Variants in BCAR1 observed in about 807,000 individuals in gnomAD.
BCAR1 encodes breast cancer anti-estrogen resistance protein 1.
In BCAR1, 30 loss-of-function variants were observed where a neutral mutation model predicts 67.6. The ratio of observed to expected loss-of-function variants is 0.44; its 90% CI spans 0.33 to 0.60. The LOEUF is 0.60. Ranked by LOEUF, BCAR1 falls within the 20% of genes least tolerant of loss-of-function variation. BCAR1 has a pLI of 0.02. For synonymous variants in BCAR1, 626 were observed against 556.7 expected (o/e 1.12, Z -1.75); for missense variants, 1,313 against 1,222.3 (o/e 1.07, Z -1.11).
intron 1 of BCAR1, chr16:75,263,690 A>T: frequency 1.0e-6 from 1 of 985,434 alleles, no homozygotes; most frequent in Non-Finnish European, 1.2e-6. Flanking sequence ...CTGTGGGCCA[A>T]AGTGCCTGCT....
In BCAR1 at chr16:75,242,500, G is replaced by T. The variant is rs749807137; in HGVS notation, c.603C>A (p.Arg201=). The part of the protein sequence containing the change: ...IYQVPPSMDT[R]SWEGTKPPAK... ...CCGGGGGCTTCGTGCCCTCCCAGCT[G>T]CGTGTGTCCATGGACGGGGGGACCT... Residue 201 remains arginine (R), a synonymous_variant, in exon 2 of 7, where the codon CGC becomes CGA. Coordinates refer to ENST00000162330, the MANE Select transcript of BCAR1 (RefSeq NM_014567.5). The T allele has an allele frequency of 1.4e-6, 2 of 1,467,082 alleles. No individual in the cohort carries two copies. The highest frequency in any genetic ancestry group is 1.8e-6 in the Non-Finnish European group (2 of 1,110,260). 90.9% of individuals were successfully genotyped at this position (1,467,082 alleles called of 1,614,324 possible).
chr16:75,234,833 A>G, intron 5 of BCAR1, 56 bp downstream of exon 5: 2 of 1,510,318 alleles, frequency 1.3e-6, no homozygotes, highest in Non-Finnish European at 1.8e-6. Flanking sequence ...TCTCCCCCTA[A>G]GCACAGGAGC....
rs767903911 is a variant in BCAR1, at chr16:75,235,371, C to T, written c.1528G>A (p.Ala510Thr). ...LVQDLQAAVA[A>T]VQSAVHELLE... The stretch of plus-strand genomic sequence containing the variant: ...AGCTCGTGGACGGCACTCTGGACAG[C>T]GGCCACAGCAGCCTGCAGGTCCTGC... The change falls in exon 5 of 7, where the codon GCT becomes ACT. Residue 510 changes from alanine (A) to threonine (T), a missense_variant. Ala to Thr is a moderately conservative substitution (Grantham distance 58, BLOSUM62 0). Around this residue, in one of 2 missense-constraint regions of BCAR1, gnomAD observed 1,272 missense variants for 1,137.5 expected, o/e 1.12. Coordinates refer to ENST00000162330, the MANE Select transcript of BCAR1 (RefSeq NM_014567.5). The T allele has an allele frequency of 1.2e-5, 19 of 1,600,904 alleles. No homozygotes were observed. Among genetic ancestry groups the T allele is most frequent in the South Asian group, 6.6e-5 (6 of 90,936 alleles).
At chr16:75,248,912 C>G (rs1481831248) in intron 1 of BCAR1, 2 of 152,438 alleles carry the variant, frequency 1.3e-5, no homozygotes, top group African/African-American at 4.8e-5. Flanking sequence ...ACAGCCTGGC[C>G]TTGGCTGCAG....
chr16:75,234,923 C>G lies in BCAR1; in HGVS notation c.1976G>C (p.Gly659Ala), dbSNP rs1232194704. 1 of 1,553,316 alleles carries G rather than the reference C, an allele frequency of 6.4e-7. No individual in the cohort carries two copies. The highest frequency in any genetic ancestry group is 1.8e-5 in the Admixed American group (1 of 55,342). The change falls in exon 5 of 7, where the codon GGC becomes GCC. Residue 659 changes from glycine to alanine, a missense_variant. Physicochemically the swap from Gly to Ala is moderately conservative, Grantham distance 60. This residue lies in a region of BCAR1 where 1,272 missense variants were observed against 1,137.5 expected (regional missense o/e 1.12). Coordinates refer to ENST00000162330, the MANE Select transcript of BCAR1 (RefSeq NM_014567.5). ...GACGTAGTCATAGTCCTCCATCCAG[C>G]CCCCCTCGCTGTTCTCGTACTGCCC... Reference protein sequence around the residue: ...PDGQYENSEGGWMEDYDYVHL... With the variant: ...PDGQYENSEGAWMEDYDYVHL...
chr16:75,230,709 G>C (rs2076873109), intron 6 of BCAR1, among the ~76,000 whole-genome samples: 1 of 152,200 alleles, frequency 6.6e-6, no homozygotes, highest in African/African-American at 2.4e-5. Context: ...ACTCAGGACT[G>C]GTAAGCTCTG....
chr16:75,234,834 G>A lies in BCAR1; in HGVS notation c.2010+55C>T, dbSNP rs180822358. On this transcript the variant is annotated intron_variant, in intron 5 of 6. Transcript: ENST00000162330. ...CAGCTGAGAACAAATCTCCCCCTAA[G>A]CACAGGAGCCCAGCGTGGCAGAAGA... The A allele has an allele frequency of 4.8e-4, 721 of 1,511,806 alleles. 9 individuals are homozygous for A. The East Asian group carries it at 0.014, about 30-fold the overall frequency. The allele number at this position is 1,511,806 out of a possible 1,614,324, so 93.6% of individuals were successfully genotyped here. A position where few individuals can be genotyped will look rare whatever the true frequency, so the allele number is the denominator to read the frequency against.
At chr16:75,236,417 CTCA>C (rs938627683) in intron 4 of BCAR1, 1 of 338,960 alleles carries the variant, frequency 3.0e-6, no homozygotes, top group Non-Finnish European at 5.4e-6. Context: ...CCGCTGCCAC[CTCA>C]TCACCACCAT....
chr16:75,245,253 A>G (rs1445621646), intron 1 of BCAR1, among the ~76,000 whole-genome samples: 2 of 152,194 alleles, frequency 1.3e-5, no homozygotes, highest in African/African-American at 4.8e-5. Context: ...GTGACCCTAC[A>G]CACCACAGAG....
intron 2 of BCAR1, 185 bp from the exon 3 acceptor site, chr16:75,237,529 G>T: frequency 2.9e-6 from 2 of 681,738 alleles, no homozygotes; most frequent in Non-Finnish European, 4.4e-6. Flanking sequence ...GCAGAACGCA[G>T]TGCCAGGTAC....
chr16:75,256,515 G>C (rs368994436), upstream of BCAR1, among the ~76,000 whole-genome samples: 5 of 80,686 alleles, frequency 6.2e-5, no homozygotes, highest in South Asian at 3.0e-3. Flanking sequence ...CAGCACGGAT[G>C]GGGGGGGGTG....
chr16:75,238,984 C>T (rs992140807), intron 2 of BCAR1: 177 of 985,284 alleles, frequency 1.8e-4, no homozygotes, highest in Non-Finnish European at 2.1e-4. Context: ...CGGTGGCCAT[C>T]CCAACCTCAC....
rs576187999 is a variant in BCAR1, at chr16:75,236,165, C to T, written c.913-179G>A. ...AGAGGCACGCACACAGGCACACACA[C>T]GCGCACACACACTCGCAGCCCTAGC... On this transcript the variant is annotated intron_variant, in intron 4 of 6. Transcript: ENST00000162330. The T allele has an allele frequency of 2.0e-4, 140 of 705,166 alleles. 2 individuals are homozygous for T. The South Asian group carries it at 2.1e-3, about 11-fold the overall frequency. The allele number at this position is 705,166 out of a possible 1,614,324, so 43.7% of individuals were successfully genotyped here. A position where few individuals can be genotyped will look rare whatever the true frequency, so the allele number is the denominator to read the frequency against.
At chr16:75,239,346 G>C (rs1356361503) in intron 2 of BCAR1, among the ~76,000 whole-genome samples, 1 of 152,170 alleles carries the variant, frequency 6.6e-6, no homozygotes, top group East Asian at 1.9e-4. Flanking sequence ...ACAATGCAGA[G>C]AAAACACAGC....
chr16:75,265,892 G>T, intron 1 of BCAR1: 1 of 1,133,624 alleles, frequency 8.8e-7, no homozygotes. Context: ...CTGGGGGCTC[G>T]GGTCCGCCCG....
rs763732321 is a variant in BCAR1 at position 75,234,928 on chromosome 16, C to T, written c.1971G>A (p.Glu657=). Reference sequence around the variant, plus strand: ...AGTCATAGTCCTCCATCCAGCCCCCCTCGCTGTTCTCGTACTGCCCATCTG... The same window carrying T: ...AGTCATAGTCCTCCATCCAGCCCCCTTCGCTGTTCTCGTACTGCCCATCTG... ...DSPDGQYENS[E]GGWMEDYDYV... is the part of the protein sequence containing the mutation. Residue 657 remains glutamate, a synonymous_variant, in exon 5 of 7, where the codon GAG becomes GAA. Transcript: ENST00000162330. The T allele has an allele frequency of 1.7e-5, 27 of 1,558,484 alleles. No individual in the cohort carries two copies. In the Admixed American group the frequency reaches 4.3e-4, roughly 25 times the overall value.
chr16:75,233,464 C>T (rs1233838755), intron 6 of BCAR1, among the ~76,000 whole-genome samples: 2 of 152,152 alleles, frequency 1.3e-5, no homozygotes, highest in African/African-American at 2.4e-5. Flanking sequence ...GAATGCTTAA[C>T]GCCATGGCAG....
At chr16:75,232,352 GT>G (rs2076929710) in intron 6 of BCAR1, among the ~76,000 whole-genome samples, 1 of 152,090 alleles carries the variant, frequency 6.6e-6, no homozygotes, top group South Asian at 2.1e-4. Context: ...TAGAGATGGG[GT>G]TTTGCCATGT....
At chr16:75,248,188 A>C in intron 1 of BCAR1, 1 of 1,570,214 alleles carries the variant, frequency 6.4e-7, no homozygotes, top group Non-Finnish European at 8.6e-7. Flanking sequence ...ATCTCCACCG[A>C]GGGGTGACGC....
Sources: allele counts gnomAD v4.1 joint callset (sites outside exome capture counted in the v4.1 genomes callset), GRCh38; gene constraint gnomAD v4.1.1; regional missense constraint gnomAD v4.1.1; transcripts MANE v1.5; gene names NCBI Gene and HGNC (gene_info 2026-07-23, HGNC 2026-07-21).